Variants in ADAMTS17 observed in about 807,000 individuals in gnomAD.
ADAMTS17 encodes the protein A disintegrin and metalloproteinase with thrombospondin motifs 17.
Under a neutral mutation model 141.5 loss-of-function variants are expected in ADAMTS17, and 113 were observed. The observed-to-expected ratio is 0.80, with a 90% CI of 0.69 to 0.93. The LOEUF (loss-of-function observed/expected upper bound fraction) is 0.93. ADAMTS17 is among the 40% of genes least tolerant of loss of function. ADAMTS17 has a pLI of 0.00. For missense variants in ADAMTS17, 1,659 were observed against 1,517.9 expected, an observed-to-expected ratio of 1.09 and a Z score of -1.54; for synonymous variants, 768 against 630.6, an observed-to-expected ratio of 1.22 and a Z score of -3.27.
At chr15:100,267,690 C>A (rs2043766098) in intron 4 of ADAMTS17, among the ~76,000 whole-genome samples, 1 of 152,152 alleles carries the variant, frequency 6.6e-6, no homozygotes, top group Non-Finnish European at 1.5e-5. Context: ...TGTCTCCCTT[C>A]TCTAGTAGTC....
chr15:100,320,599 G>T (rs1445618806), intron 3 of ADAMTS17, among the ~76,000 whole-genome samples: 4 of 152,182 alleles, frequency 2.6e-5, no homozygotes, highest in African/African-American at 9.7e-5. Flanking sequence ...TTGGGAGGCC[G>T]AGGCGGGCCA....
intron 8 of ADAMTS17, among the ~76,000 whole-genome samples, chr15:100,173,958 G>GC (rs2040248230): frequency 6.6e-6 from 1 of 152,202 alleles, no homozygotes; most frequent in African/African-American, 2.4e-5. Flanking sequence ...CAGGACCAGA[G>GC]CCGCAGCTTT....
intron 3 of ADAMTS17, among the ~76,000 whole-genome samples, chr15:100,324,355 T>C (rs762741124): frequency 1.3e-5 from 2 of 152,136 alleles, no homozygotes; most frequent in African/African-American, 2.4e-5. Flanking sequence ...TCTGACCACA[T>C]GTTAACATAG....
chr15:100,121,475 T>A (rs535623624), intron 12 of ADAMTS17, among the ~76,000 whole-genome samples: 56 of 152,200 alleles, frequency 3.7e-4, no homozygotes, highest in African/African-American at 1.3e-3. Flanking sequence ...ATACAAGGGA[T>A]CTTCAACAAG....
rs199838182 is a variant in ADAMTS17 at position 100,053,910 on chromosome 15, G to T, written c.2282C>A (p.Pro761Gln). 9.3e-6 allele frequency: 15 copies of T among 1,614,152 alleles called. No homozygotes were observed. In the African/African-American group the frequency reaches 1.6e-4, roughly 17 times the overall value. Residue 761 changes from proline (P) to glutamine (Q), a missense_variant, in exon 16 of 22, where the codon CCG (proline) becomes CAG (glutamine). By Grantham distance (76) the Pro-to-Gln change is moderately conservative. Coordinates refer to ENST00000268070, the MANE Select transcript of ADAMTS17 (RefSeq NM_139057.4). ...CCAGCAAGTTACCATCAAGTGCAGC[G>T]GTAGTTTGGTTGGTCCCTTGGCAGA... ...KISAKGPTKL[P>Q]LHLMVLLFHD...
chr15:99,998,529 AG>A (rs1338902999), intron 18 of ADAMTS17, among the ~76,000 whole-genome samples: 1 of 152,058 alleles, frequency 6.6e-6, no homozygotes, highest in Non-Finnish European at 1.5e-5. Flanking sequence ...GCTTGAACCC[AG>A]GGGGTGGAGG....
At chr15:100,163,341 A>G (rs1033805057) in intron 8 of ADAMTS17, among the ~76,000 whole-genome samples, 2 of 152,130 alleles carry the variant, frequency 1.3e-5, no homozygotes, top group Non-Finnish European at 2.9e-5. Flanking sequence ...AGTGTGTGAG[A>G]TAAAGCCATG....
intron 3 of ADAMTS17, among the ~76,000 whole-genome samples, chr15:100,311,490 C>A (rs973401198): frequency 2.0e-5 from 3 of 152,200 alleles, no homozygotes; most frequent in Admixed American, 2.0e-4. Flanking sequence ...GATCCGTCTG[C>A]AGCTCGAGGC....
At chr15:100,123,846 G>C (rs1321251652) in intron 12 of ADAMTS17, among the ~76,000 whole-genome samples, 1 of 152,200 alleles carries the variant, frequency 6.6e-6, no homozygotes, top group Non-Finnish European at 1.5e-5. Flanking sequence ...CTCTGGGAGG[G>C]GCTGCCCATC....
At chr15:100,315,754 A>G (rs2045546702) in intron 3 of ADAMTS17, among the ~76,000 whole-genome samples, 2 of 152,222 alleles carry the variant, frequency 1.3e-5, no homozygotes, top group African/African-American at 4.8e-5. Flanking sequence ...ACACACAGTC[A>G]CTGAAAGCTT....
intron 3 of ADAMTS17, among the ~76,000 whole-genome samples, chr15:100,305,048 C>T (rs940518429): frequency 6.6e-6 from 1 of 152,162 alleles, no homozygotes; most frequent in African/African-American, 2.4e-5. Flanking sequence ...TCCAGTCAAG[C>T]GCAGCCTATA....
intron 7 of ADAMTS17, among the ~76,000 whole-genome samples, chr15:100,236,926 G>A (rs1407348215): frequency 1.3e-5 from 2 of 152,144 alleles, no homozygotes; most frequent in Non-Finnish European, 2.9e-5. Flanking sequence ...TCTGTCACAG[G>A]AGGGAACTCT....
Position 99,971,885 on chromosome 15 carries a change from C to G in ADAMTS17, c.*2517G>C, listed in dbSNP as rs1401794780. The G allele has an allele frequency of 6.6e-6, 1 of 152,182 alleles. No homozygotes were observed. The highest frequency in any genetic ancestry group is 1.5e-5 in the Non-Finnish European group (1 of 68,052). 9.4% of individuals were successfully genotyped at this position (152,182 alleles called of 1,614,324 possible). A position where few individuals can be genotyped will look rare whatever the true frequency, so the allele number is the denominator to read the frequency against. ...CTGCTGTGATCAGCATCTAGTGGAACAAGAATGTTTATGATGGTTTCACTG... is the reference window on the plus strand; with the variant it reads ...CTGCTGTGATCAGCATCTAGTGGAAGAAGAATGTTTATGATGGTTTCACTG... On this transcript the variant is annotated 3_prime_UTR_variant, in exon 22 of 22. Coordinates refer to ENST00000268070, the MANE Select transcript of ADAMTS17 (RefSeq NM_139057.4).
chr15:100,177,360 C>T (rs1038891550), intron 8 of ADAMTS17, among the ~76,000 whole-genome samples: 8 of 152,214 alleles, frequency 5.3e-5, no homozygotes, highest in South Asian at 2.1e-4. Flanking sequence ...ATTTTCATTC[C>T]GTTCTATGTA....
At chr15:100,297,026 G>A (rs1316234994) in intron 3 of ADAMTS17, among the ~76,000 whole-genome samples, 2 of 152,124 alleles carry the variant, frequency 1.3e-5, no homozygotes, top group East Asian at 3.9e-4. Context: ...TATAAGGAGG[G>A]GCCCTAATTT....
intron 6 of ADAMTS17, among the ~76,000 whole-genome samples, chr15:100,255,869 G>C (rs1433126716): frequency 2.0e-5 from 3 of 152,226 alleles, no homozygotes; most frequent in Non-Finnish European, 4.4e-5. Context: ...TGGCTGCCCT[G>C]AGGGGAAACA....
At chr15:100,061,634 T>C (rs1021240573) in intron 15 of ADAMTS17, among the ~76,000 whole-genome samples, 3 of 152,156 alleles carry the variant, frequency 2.0e-5, no homozygotes, top group African/African-American at 4.8e-5. Flanking sequence ...AAAATTACCA[T>C]GCAAAAGTGG....
intron 2 of ADAMTS17, among the ~76,000 whole-genome samples, chr15:100,340,063 C>G (rs111848909): frequency 0.02 from 2,988 of 152,360 alleles, 104 homozygotes; most frequent in African/African-American, 0.065. Flanking sequence ...AAACTGCCTC[C>G]CCAGAGGCCA....
intron 10 of ADAMTS17, among the ~76,000 whole-genome samples, chr15:100,146,956 G>C (rs538435025): frequency 2.0e-5 from 3 of 152,142 alleles, no homozygotes; most frequent in African/African-American, 7.2e-5. Context: ...TGTTATCAAT[G>C]ACAGTGGTGC....
Sources: gnomAD v4.1 joint callset for allele counts (sites outside exome capture counted in the v4.1 genomes callset) on GRCh38, gnomAD v4.1.1 for gene constraint, MANE v1.5 for transcripts, NCBI Gene and HGNC (gene_info 2026-07-23, HGNC 2026-07-21) for gene names.